Variants in LYPD6B observed in about 807,000 individuals in gnomAD.
The protein encoded by LYPD6B is ly6/PLAUR domain-containing protein 6B.
In LYPD6B, 17 loss-of-function variants were observed where a neutral mutation model predicts 22.8. The ratio of observed to expected loss-of-function variants is 0.75; its 90% CI spans 0.51 to 1.12. The LOEUF is 1.12. LYPD6B is among the 50% of genes most tolerant of loss of function. LYPD6B has a pLI of 0.00. For missense variants in LYPD6B, 221 were observed against 258.3 expected, an observed-to-expected ratio of 0.86 and a Z score of 0.99; for synonymous variants, 106 against 91.6, an observed-to-expected ratio of 1.16 and a Z score of -0.90.
chr2:149,208,315 T>TA lies in LYPD6B; in HGVS notation c.232dup (p.Thr78AsnfsTer6). The TA allele has an allele frequency of 5.0e-6, 8 of 1,613,146 alleles. No individual in the cohort carries two copies. The highest frequency in any genetic ancestry group is 6.8e-6 in the Non-Finnish European group (8 of 1,179,172). On this transcript the variant is annotated frameshift_variant and splice_region_variant, in exon 5 of 7. Transcript: ENST00000409642. LOFTEE classifies it high-confidence loss of function. ...TTCACTTTGCTTTTTTCTTTAAAGCTACACCATTTCCAAATAGCTTCAAGT... is the reference window on the plus strand; with the variant it reads ...TTCACTTTGCTTTTTTCTTTAAAGCTAACACCATTTCCAAATAGCTTCAAGT...
At chr2:149,051,520 A>G (rs1046962110) in intron 1 of LYPD6B, among the ~76,000 whole-genome samples, 3 of 152,158 alleles carry the variant, frequency 2.0e-5, no homozygotes, top group African/African-American at 7.2e-5. Flanking sequence ...ATCTGTTGCT[A>G]TACTTTCAGC....
rs950312983 is a variant in LYPD6B, at chr2:149,057,008, T to C, written c.-67+18207T>C. On this transcript the variant is annotated intron_variant, in intron 1 of 6. Coordinates refer to ENST00000409642, the MANE Select transcript of LYPD6B (RefSeq NM_177964.5). ...TGTCAATTCAGAGGATTAACTAGGA[T>C]GCCTGCAAAGTCAAGCCTGTGTGCT... Among the ~76,000 whole-genome samples, 5 of 152,362 alleles carry C rather than the reference T, an allele frequency of 3.3e-5. No individual in the cohort carries two copies. In the South Asian group the frequency reaches 6.2e-4, roughly 19 times the overall value.
At position 149,100,909 on chromosome 2, in the gene LYPD6B, C is replaced by T. The variant is rs565546656; in HGVS notation, c.-66-29974C>T. Reference sequence around the variant, plus strand: ...CTGTCTGTGCTAATATAACCCAGCCCCTCCTGCCGTCAGCTGTCTGTGGCA... The same window carrying T: ...CTGTCTGTGCTAATATAACCCAGCCTCTCCTGCCGTCAGCTGTCTGTGGCA... On this transcript the variant is annotated intron_variant, in intron 1 of 6. Coordinates refer to ENST00000409642, the MANE Select transcript of LYPD6B (RefSeq NM_177964.5). Among the ~76,000 whole-genome samples the T allele has an allele frequency of 3.9e-5, 6 of 152,266 alleles. No homozygotes were observed. In the South Asian group the frequency reaches 1.2e-3, roughly 32 times the overall value.
At chr2:149,039,456 G>A (rs1316070212) in intron 1 of LYPD6B, among the ~76,000 whole-genome samples, 7 of 152,192 alleles carry the variant, frequency 4.6e-5, no homozygotes, top group Admixed American at 1.3e-4. Context: ...GGTGGGTGGA[G>A]GGGTGCTGTC....
chr2:149,049,812 G>T (rs925101263), intron 1 of LYPD6B, among the ~76,000 whole-genome samples: 1 of 152,174 alleles, frequency 6.6e-6, no homozygotes, highest in African/African-American at 2.4e-5. Flanking sequence ...TTGGGGCCTT[G>T]AAGGTAAGCA....
At chr2:149,171,003 T>C (rs1690776320) in intron 3 of LYPD6B, among the ~76,000 whole-genome samples, 1 of 152,138 alleles carries the variant, frequency 6.6e-6, no homozygotes, top group South Asian at 2.1e-4. Context: ...ATGTATGAAA[T>C]AATTAGTAGC....
intron 2 of LYPD6B, among the ~76,000 whole-genome samples, chr2:149,150,124 C>T (rs1689277663): frequency 6.6e-6 from 1 of 152,170 alleles, no homozygotes; most frequent in Non-Finnish European, 1.5e-5. Context: ...TCTCACTGTA[C>T]CTAGAGGTTA....
intron 1 of LYPD6B, among the ~76,000 whole-genome samples, chr2:149,053,008 T>C (rs1022735364): frequency 3.9e-5 from 6 of 152,180 alleles, no homozygotes; most frequent in African/African-American, 1.2e-4. Flanking sequence ...TATTGAGCAC[T>C]TGACATGTGG....
intron 1 of LYPD6B, among the ~76,000 whole-genome samples, chr2:149,059,609 G>A (rs771359472): frequency 3.3e-5 from 5 of 152,194 alleles, no homozygotes; most frequent in African/African-American, 4.8e-5. Context: ...TCATTACGGC[G>A]TTGTTCCGTT....
At chr2:149,146,164 A>G (rs1689007701) in intron 2 of LYPD6B, among the ~76,000 whole-genome samples, 1 of 152,224 alleles carries the variant, frequency 6.6e-6, no homozygotes, top group Admixed American at 6.5e-5. Context: ...GACAGATATT[A>G]ATCATGTAAT....
chr2:149,130,829 C>T, intron 1 of LYPD6B, 54 bp from the exon 2 acceptor site: 1 of 794,484 alleles, frequency 1.3e-6, no homozygotes, highest in Non-Finnish European at 2.2e-6. Flanking sequence ...TCCCTTTATC[C>T]CAAATGTCTA....
chr2:149,089,986 C>G (rs1323263116), intron 1 of LYPD6B, among the ~76,000 whole-genome samples: 1 of 152,144 alleles, frequency 6.6e-6, no homozygotes, highest in Admixed American at 6.5e-5. Flanking sequence ...CACGTTCTTC[C>G]TCTATTAAAT....
intron 3 of LYPD6B, among the ~76,000 whole-genome samples, chr2:149,177,070 A>G (rs1171863962): frequency 1.3e-5 from 2 of 152,160 alleles, no homozygotes; most frequent in Non-Finnish European, 2.9e-5. Flanking sequence ...GGCATGAAAA[A>G]TGGTGTTTCA....
intron 3 of LYPD6B, among the ~76,000 whole-genome samples, chr2:149,178,742 T>C (rs774316105): frequency 1.8e-4 from 27 of 152,212 alleles, no homozygotes; most frequent in Non-Finnish European, 3.2e-4. Context: ...CAGTGGTATA[T>C]ATTCTTCTCT....
At chr2:149,158,701 TAA>T (rs1689860234) in intron 2 of LYPD6B, among the ~76,000 whole-genome samples, 1 of 152,198 alleles carries the variant, frequency 6.6e-6, no homozygotes, top group East Asian at 1.9e-4. Context: ...TTTACCATAA[TAA>T]AAAAGTTTTA....
At chr2:149,176,442 G>C (rs1691313985) in intron 3 of LYPD6B, among the ~76,000 whole-genome samples, 1 of 152,168 alleles carries the variant, frequency 6.6e-6, no homozygotes, top group Non-Finnish European at 1.5e-5. Flanking sequence ...TTTGAGCTGG[G>C]CCTTACAGAA....
At chr2:149,101,625 C>G (rs1402371392) in intron 1 of LYPD6B, 1 of 152,294 alleles carries the variant, frequency 6.6e-6, no homozygotes, top group Admixed American at 6.5e-5. Flanking sequence ...TCAAATACTC[C>G]CACAGGCACC....
intron 2 of LYPD6B, among the ~76,000 whole-genome samples, chr2:149,141,101 A>G (rs1006175632): frequency 6.6e-6 from 1 of 152,180 alleles, no homozygotes; most frequent in Non-Finnish European, 1.5e-5. Context: ...GTGATGAAAA[A>G]AGCACTAAAA....
At chr2:149,107,166 C>G (rs1686518587) in intron 1 of LYPD6B, among the ~76,000 whole-genome samples, 1 of 152,058 alleles carries the variant, frequency 6.6e-6, no homozygotes, top group South Asian at 2.1e-4. Flanking sequence ...TGTACTCACC[C>G]TTTTTCTTCT....
Sources: allele counts gnomAD v4.1 joint callset (sites outside exome capture counted in the v4.1 genomes callset), GRCh38; gene constraint gnomAD v4.1.1; transcripts MANE v1.5; gene names NCBI Gene and HGNC (gene_info 2026-07-23, HGNC 2026-07-21).